NBEAL1: variants seen among roughly 807,000 people sequenced by gnomAD.
NBEAL1 encodes the protein neurobeachin like 1.
A neutral mutation model predicts 351.3 loss-of-function variants in NBEAL1; 273 were observed. That is an observed-to-expected ratio of 0.78 (90% CI 0.70 to 0.86). NBEAL1 has a LOEUF of 0.86. Among genes scored for constraint, NBEAL1 ranks in the 40% least tolerant of loss-of-function variants. NBEAL1 has a pLI of 0.00. For synonymous variants in NBEAL1, 1,050 were observed against 1,086.4 expected, an observed-to-expected ratio of 0.97 and a Z score of 0.66; for missense variants, 2,961 against 3,201.3, an observed-to-expected ratio of 0.92 and a Z score of 1.81.
chr2:203,027,740 G>A (rs984657774), intron 2 of NBEAL1, among the ~76,000 whole-genome samples: 2 of 152,122 alleles, frequency 1.3e-5, no homozygotes, highest in Admixed American at 1.3e-4. Context: ...ACAGGGCATT[G>A]CTCTGTCACC....
At position 203,224,279 on chromosome 2, in the gene NBEAL1, A is replaced by G. The variant is rs1332331001; in HGVS notation, c.*6925A>G. On this transcript the variant is annotated 3_prime_UTR_variant, in exon 56 of 56. Transcript: ENST00000683969. ...ATTTTATAAGTAGCTTTATATAAGA[A>G]AACTTCTTAGAAAACTATGTGGCTG... Among the ~76,000 whole-genome samples the G allele has an allele frequency of 6.6e-6, 1 of 152,082 alleles. No homozygotes were observed. Among genetic ancestry groups the G allele is most frequent in the Non-Finnish European group, 1.5e-5 (1 of 67,942 alleles).
Position 203,136,244 on chromosome 2 carries a change from A to G in NBEAL1, c.4381A>G (p.Ser1461Gly), listed in dbSNP as rs780952445. The G allele has an allele frequency of 1.3e-6, 2 of 1,567,348 alleles. No homozygotes were observed. Among genetic ancestry groups the G allele is most frequent in the South Asian group, 2.4e-5 (2 of 83,620 alleles). ...GFSDDFSLLESQERCEEELLQ... is the reference protein window; with the variant it reads ...GFSDDFSLLEGQERCEEELLQ... ...TAGTGATGACTTCTCTTTACTTGAAAGCCAAGAGGTAAAATTGCTTATTTT... is the reference window on the plus strand; with the variant it reads ...TAGTGATGACTTCTCTTTACTTGAAGGCCAAGAGGTAAAATTGCTTATTTT... The change falls in exon 28 of 56, where the codon AGC becomes GGC. Residue 1461 changes from serine to glycine, a missense_variant. By Grantham distance (56) the Ser-to-Gly change is moderately conservative. Transcript: ENST00000683969.
intron 41 of NBEAL1, among the ~76,000 whole-genome samples, chr2:203,173,074 A>C (rs1411679459): frequency 6.6e-6 from 1 of 152,150 alleles, no homozygotes; most frequent in Non-Finnish European, 1.5e-5. Flanking sequence ...CCAAATTTAA[A>C]TTGATATTGC....
At chr2:203,027,657 T>C (rs781455107) in intron 2 of NBEAL1, among the ~76,000 whole-genome samples, 5 of 152,212 alleles carry the variant, frequency 3.3e-5, no homozygotes, top group Non-Finnish European at 7.3e-5. Flanking sequence ...AAATACAAAA[T>C]TTAACCTTTC....
chr2:203,193,726 T>C (rs1442036227), intron 46 of NBEAL1, 69 bp from the exon 47 acceptor site: 1 of 1,035,026 alleles, frequency 9.7e-7, no homozygotes, highest in African/African-American at 1.6e-5. Context: ...GCCTAGTGTA[T>C]ATGAAGGAAC....
In NBEAL1 at chr2:203,112,015, C is replaced by T. The variant is rs1387746358; in HGVS notation, c.2119C>T (p.Pro707Ser). ...ITVVHMPGKR[P>S]FGQSFVYIYD... Reference sequence around the variant, plus strand: ...TGTTGTCCACATGCCTGGAAAAAGGCCTTTTGGTCAGAGCTTCGTCTATAT... The same window carrying T: ...TGTTGTCCACATGCCTGGAAAAAGGTCTTTTGGTCAGAGCTTCGTCTATAT... The change falls in exon 16 of 56, where the codon CCT (proline) becomes TCT (serine). Residue 707 changes from proline (P) to serine (S), a missense_variant. Transcript: ENST00000683969. The T allele has an allele frequency of 1.3e-6, 2 of 1,551,710 alleles. No homozygotes were observed. Among genetic ancestry groups the T allele is most frequent in the Non-Finnish European group, 1.7e-6 (2 of 1,146,978 alleles).
chr2:203,126,162 C>T, intron 21 of NBEAL1, 69 bp downstream of exon 21: 5 of 1,373,494 alleles, frequency 3.6e-6, no homozygotes, highest in Non-Finnish European at 3.9e-6. Context: ...GGGATTTTTT[C>T]TTCCTAATAA....
chr2:203,101,882 C>T (rs537515342), intron 12 of NBEAL1, among the ~76,000 whole-genome samples: 1 of 152,296 alleles, frequency 6.6e-6, no homozygotes, highest in East Asian at 1.9e-4. Context: ...AGGCGTGAGC[C>T]CCCACACCAG....
In NBEAL1 at chr2:203,108,059, G is replaced by T; in HGVS notation, c.1820G>T (p.Gly607Val). ...TTCAATTTGTCACATAGTATGGCAG[G>T]AATTTCTGTGCCTCCCATACAGAAA... ...QYFNLSHSMA[G>V]ISVPPIQKWP... Residue 607 changes from glycine (G) to valine (V), a missense_variant, in exon 14 of 56, where the codon GGA becomes GTA. Physicochemically the swap from Gly to Val is moderately radical, Grantham distance 109. Coordinates refer to ENST00000683969, the MANE Select transcript of NBEAL1 (RefSeq NM_001378026.1). 1.3e-6 allele frequency: 2 copies of T among 1,552,672 alleles called. No homozygotes were observed. The highest frequency in any genetic ancestry group is 1.7e-6 in the Non-Finnish European group (2 of 1,147,294).
chr2:203,190,189 C>T lies in NBEAL1; in HGVS notation c.6824-103C>T, dbSNP rs933088512. ...ACACACACACACACACACACACACA[C>T]ACACACACACACACACACACCAATG... On this transcript the variant is annotated intron_variant, in intron 45 of 55. Transcript: ENST00000683969. 8.2e-6 allele frequency: 5 copies of T among 608,732 alleles called. No homozygotes were observed. The Admixed American group carries it at 1.1e-4, about 13-fold the overall frequency. 37.7% of individuals were successfully genotyped at this position (608,732 alleles called of 1,614,324 possible).
chr2:203,138,259 A>G lies in NBEAL1; in HGVS notation c.4663A>G (p.Ile1555Val), dbSNP rs1439378333. The G allele has an allele frequency of 6.2e-7, 1 of 1,613,854 alleles. No homozygotes were observed. Among genetic ancestry groups the G allele is most frequent in the Non-Finnish European group, 8.5e-7 (1 of 1,179,852 alleles). Reference protein sequence around the residue: ...AENAFRLVLIIQDFLQSEGLV... With the variant: ...AENAFRLVLIVQDFLQSEGLV... Reference sequence around the variant, plus strand: ...AAACGCCTTCCGACTAGTGCTGATCATACAGGACTTTCTTCAGTCAGAGGG... The same window carrying G: ...AAACGCCTTCCGACTAGTGCTGATCGTACAGGACTTTCTTCAGTCAGAGGG... Residue 1555 changes from isoleucine to valine, a missense_variant, in exon 30 of 56, where the codon ATA (isoleucine) becomes GTA (valine). Transcript: ENST00000683969.
At chr2:203,123,525 G>A (rs1438732968) in intron 19 of NBEAL1, among the ~76,000 whole-genome samples, 1 of 151,604 alleles carries the variant, frequency 6.6e-6, no homozygotes, top group Non-Finnish European at 1.5e-5. Flanking sequence ...GTAGAGACAG[G>A]GTCTCACCAT....
chr2:203,067,096 G>T (rs569018508), intron 6 of NBEAL1, among the ~76,000 whole-genome samples: 2 of 151,784 alleles, frequency 1.3e-5, no homozygotes, highest in South Asian at 4.2e-4. Flanking sequence ...GGGCAGAGGC[G>T]CTCCTCACTT....
At chr2:203,025,532 G>A (rs2060843789) in intron 2 of NBEAL1, among the ~76,000 whole-genome samples, 1 of 151,966 alleles carries the variant, frequency 6.6e-6, no homozygotes, top group Non-Finnish European at 1.5e-5. Context: ...GTAAAGAATT[G>A]GGACCAAAGA....
chr2:203,160,376 C>G (rs556236519), intron 36 of NBEAL1, among the ~76,000 whole-genome samples: 2 of 152,072 alleles, frequency 1.3e-5, no homozygotes, highest in Non-Finnish European at 2.9e-5. Flanking sequence ...CCACCACGCC[C>G]GGCCTGGTTC....
chr2:203,177,880 G>A (rs1015535091), intron 42 of NBEAL1, among the ~76,000 whole-genome samples: 45 of 151,946 alleles, frequency 3.0e-4, no homozygotes, highest in Admixed American at 1.4e-3. Context: ...TTATCTGGGC[G>A]TGGTCGTGGG....
rs147545082 is a variant in NBEAL1, at chr2:203,032,614, C to T, written c.52-9151C>T. Reference sequence around the variant, plus strand: ...GGCGGAGCTTGCAGTGAGCTGAGATCGTGCATAAGAACAAAAACCCAAAGA... The same window carrying T: ...GGCGGAGCTTGCAGTGAGCTGAGATTGTGCATAAGAACAAAAACCCAAAGA... On this transcript the variant is annotated intron_variant, in intron 2 of 55. Coordinates refer to ENST00000683969, the MANE Select transcript of NBEAL1 (RefSeq NM_001378026.1). 5.1e-3 allele frequency among the ~76,000 whole-genome samples: 711 copies of T among 138,604 alleles called. 6 individuals carry two copies. The highest frequency in any genetic ancestry group is 0.018 in the African/African-American group (674 of 38,230). 90.9% of individuals were successfully genotyped at this position (138,604 alleles called of 152,430 possible).
chr2:203,020,492 G>A (rs1422813529), intron 2 of NBEAL1, among the ~76,000 whole-genome samples: 1 of 152,042 alleles, frequency 6.6e-6, no homozygotes, highest in Non-Finnish European at 1.5e-5. Flanking sequence ...CCAGCATGGT[G>A]AGACCCCGTC....
chr2:203,162,166 G>A (rs1046061750), intron 36 of NBEAL1, among the ~76,000 whole-genome samples: 2 of 151,480 alleles, frequency 1.3e-5, no homozygotes, highest in African/African-American at 4.9e-5. Flanking sequence ...TGGAATTACA[G>A]GTGTGTGCCA....
Sources: allele counts gnomAD v4.1 joint callset (sites outside exome capture counted in the v4.1 genomes callset), GRCh38; gene constraint gnomAD v4.1.1; transcripts MANE v1.5; gene names NCBI Gene and HGNC (gene_info 2026-07-23, HGNC 2026-07-21).